Variants in LRFN2 observed in about 807,000 individuals in gnomAD.
LRFN2 encodes leucine-rich repeat and fibronectin type-III domain-containing protein 2.
Under a neutral mutation model 37.3 loss-of-function variants are expected in LRFN2, and 18 were observed. The ratio of observed to expected loss-of-function variants is 0.48; its 90% CI spans 0.33 to 0.72. LRFN2 has a LOEUF of 0.72. LRFN2 is among the 30% of genes least tolerant of loss of function. LRFN2 has a pLI of 0.02. For synonymous variants in LRFN2, 556 were observed against 466.6 expected, an observed-to-expected ratio of 1.19 and a Z score of -2.47; for missense variants, 1,006 against 1,060.7, an observed-to-expected ratio of 0.95 and a Z score of 0.72.
intron 2 of LRFN2, among the ~76,000 whole-genome samples, chr6:40,401,544 T>C (rs1762741223): frequency 6.6e-6 from 1 of 152,202 alleles, no homozygotes; most frequent in Non-Finnish European, 1.5e-5. Context: ...TTGATTCTGC[T>C]TGAGGCTTTA....
intron 1 of LRFN2, among the ~76,000 whole-genome samples, chr6:40,534,372 A>G (rs983129500): frequency 2.0e-5 from 3 of 152,108 alleles, no homozygotes; most frequent in Non-Finnish European, 4.4e-5. Context: ...TGTCCATGTA[A>G]CACAAGAGGG....
chr6:40,510,825 G>A (rs146352563), intron 1 of LRFN2, among the ~76,000 whole-genome samples: 4 of 152,184 alleles, frequency 2.6e-5, no homozygotes, highest in African/African-American at 4.8e-5. Context: ...TGAGGATGAC[G>A]GGGTTCTCGG....
intron 2 of LRFN2, among the ~76,000 whole-genome samples, chr6:40,417,660 C>A (rs1357618565): frequency 6.6e-6 from 1 of 152,180 alleles, no homozygotes; most frequent in Non-Finnish European, 1.5e-5. Flanking sequence ...CTCCTCTCCA[C>A]TCACGGCTAT....
At chr6:40,515,336 A>G (rs972334955) in intron 1 of LRFN2, among the ~76,000 whole-genome samples, 6 of 152,304 alleles carry the variant, frequency 3.9e-5, no homozygotes, top group African/African-American at 1.4e-4. Flanking sequence ...GGTTCCTGAA[A>G]ACAGCAGACC....
At chr6:40,403,357 G>C (rs1762779993) in intron 2 of LRFN2, among the ~76,000 whole-genome samples, 2 of 152,288 alleles carry the variant, frequency 1.3e-5, no homozygotes, top group Middle Eastern at 3.4e-3. Context: ...CGATCATGGA[G>C]CTGGTGGGAT....
At chr6:40,549,563 G>A (rs1380175316) in intron 1 of LRFN2, among the ~76,000 whole-genome samples, 1 of 152,230 alleles carries the variant, frequency 6.6e-6, no homozygotes, top group Non-Finnish European at 1.5e-5. Flanking sequence ...TTGCTATTGT[G>A]AGGTTATTGC....
At chr6:40,567,807 C>T (rs1162796348) in intron 1 of LRFN2, among the ~76,000 whole-genome samples, 1 of 152,182 alleles carries the variant, frequency 6.6e-6, no homozygotes, top group East Asian at 1.9e-4. Flanking sequence ...AAGGGGCAGA[C>T]CTGGCCTGGC....
intron 1 of LRFN2, among the ~76,000 whole-genome samples, chr6:40,585,417 G>A (rs575652886): frequency 2.6e-5 from 4 of 152,074 alleles, no homozygotes; most frequent in African/African-American, 4.8e-5. Context: ...GGAGGATGAC[G>A]GCTCCAAGTG....
intron 1 of LRFN2, among the ~76,000 whole-genome samples, chr6:40,486,226 G>A (rs1764955440): frequency 6.6e-6 from 1 of 152,176 alleles, no homozygotes; most frequent in Admixed American, 6.5e-5. Context: ...GGGCTGGTAT[G>A]AACTGAAATT....
At chr6:40,554,055 C>T (rs1766825117) in intron 1 of LRFN2, among the ~76,000 whole-genome samples, 1 of 152,202 alleles carries the variant, frequency 6.6e-6, no homozygotes, top group Admixed American at 6.5e-5. Flanking sequence ...CCCCTTCTTC[C>T]CCCACCCATC....
chr6:40,528,085 C>G (rs778604338), intron 1 of LRFN2, among the ~76,000 whole-genome samples: 2 of 152,212 alleles, frequency 1.3e-5, no homozygotes, highest in Non-Finnish European at 2.9e-5. Context: ...GAATTCAAAC[C>G]CAGGTTTCTT....
At chr6:40,454,980 T>C (rs1284430293) in intron 1 of LRFN2, among the ~76,000 whole-genome samples, 14 of 152,330 alleles carry the variant, frequency 9.2e-5, no homozygotes, top group Admixed American at 5.9e-4. Flanking sequence ...TTTGAAAGGT[T>C]TCTCTTAGAG....
At chr6:40,503,051 G>A (rs1765430461) in intron 1 of LRFN2, among the ~76,000 whole-genome samples, 1 of 152,198 alleles carries the variant, frequency 6.6e-6, no homozygotes, top group African/African-American at 2.4e-5. Flanking sequence ...GGACTGGGAG[G>A]CCATGGAACC....
chr6:40,526,341 A>G (rs984543837), intron 1 of LRFN2, among the ~76,000 whole-genome samples: 4 of 152,202 alleles, frequency 2.6e-5, no homozygotes, highest in Non-Finnish European at 5.9e-5. Context: ...TCTCTTCTAT[A>G]GTTTTCCTTG....
intron 1 of LRFN2, among the ~76,000 whole-genome samples, chr6:40,586,375 C>T (rs1767503391): frequency 1.3e-5 from 2 of 152,188 alleles, no homozygotes; most frequent in South Asian, 4.1e-4. Context: ...GATCTGCTTT[C>T]TGCCTGAGGC....
At chr6:40,469,808 GC>G (rs1764553095) in intron 1 of LRFN2, among the ~76,000 whole-genome samples, 1 of 152,024 alleles carries the variant, frequency 6.6e-6, no homozygotes, top group Non-Finnish European at 1.5e-5. Flanking sequence ...TACCCTAATA[GC>G]CTTAAAAATG....
At chr6:40,430,075 A>T (rs750229814) in intron 2 of LRFN2, among the ~76,000 whole-genome samples, 5 of 152,248 alleles carry the variant, frequency 3.3e-5, no homozygotes, top group African/African-American at 1.2e-4. Flanking sequence ...TGAGAAAAAT[A>T]CATATATGCA....
At chr6:40,582,468 G>A (rs1453065718) in intron 1 of LRFN2, among the ~76,000 whole-genome samples, 1 of 151,990 alleles carries the variant, frequency 6.6e-6, no homozygotes, top group Non-Finnish European at 1.5e-5. Flanking sequence ...CAAGAACACA[G>A]TTTTGTTCTT....
chr6:40,407,290 G>T (rs1411704898), intron 2 of LRFN2, among the ~76,000 whole-genome samples: 1 of 152,214 alleles, frequency 6.6e-6, no homozygotes, highest in Non-Finnish European at 1.5e-5. Flanking sequence ...CAGGGACTGG[G>T]TTGGCATATC....
Sources: gnomAD v4.1 joint callset for allele counts (sites outside exome capture counted in the v4.1 genomes callset) on GRCh38, gnomAD v4.1.1 for gene constraint, MANE v1.5 for transcripts, NCBI Gene and HGNC (gene_info 2026-07-23, HGNC 2026-07-21) for gene names.